SNTG2: variants seen among roughly 807,000 people sequenced by gnomAD.
SNTG2 encodes syntrophin gamma 2, also known as gamma-2-syntrophin.
Under a neutral mutation model 70.9 loss-of-function variants are expected in SNTG2, and 74 were observed. The ratio of observed to expected loss-of-function variants is 1.04; its 90% CI spans 0.86 to 1.27. The LOEUF (loss-of-function observed/expected upper bound fraction) is 1.27. Ranked by LOEUF, SNTG2 falls within the 50% of genes most tolerant of loss-of-function variation. The pLI, the probability that SNTG2 is intolerant of heterozygous loss-of-function variation, is 0.00. For synonymous variants in SNTG2, 278 were observed against 273.8 expected (o/e 1.02, Z -0.15); for missense variants, 717 against 690.7 (o/e 1.04, Z -0.43).
At chr2:1,079,981 T>C (rs921905945) in intron 1 of SNTG2, among the ~76,000 whole-genome samples, 1 of 152,256 alleles carries the variant, frequency 6.6e-6, no homozygotes, top group Non-Finnish European at 1.5e-5. Flanking sequence ...CTGTGGACGC[T>C]GCTCACCACG....
At chr2:1,230,679 T>TA (rs1676157830) in intron 9 of SNTG2, among the ~76,000 whole-genome samples, 1 of 152,190 alleles carries the variant, frequency 6.6e-6, no homozygotes, top group Admixed American at 6.5e-5. Context: ...ACCTTACGGA[T>TA]AGCACAGTGC....
intron 6 of SNTG2, among the ~76,000 whole-genome samples, chr2:1,153,376 ATG>A (rs1669648492): frequency 6.6e-6 from 1 of 152,198 alleles, no homozygotes; most frequent in African/African-American, 2.4e-5. Context: ...TTGTTACATG[ATG>A]TTTATTTTAA....
At chr2:1,089,204 T>C (rs1558386011) in intron 2 of SNTG2, among the ~76,000 whole-genome samples, 1 of 152,230 alleles carries the variant, frequency 6.6e-6, no homozygotes, top group Non-Finnish European at 1.5e-5. Flanking sequence ...AAAATTTACC[T>C]TCACCTTAAT....
intron 14 of SNTG2, among the ~76,000 whole-genome samples, chr2:1,273,640 T>C: frequency 6.7e-6 from 1 of 149,582 alleles, no homozygotes; most frequent in South Asian, 2.1e-4. Flanking sequence ...AAATATTATA[T>C]ATATATATAT....
At chr2:1,093,761 C>G (rs950394917) in intron 2 of SNTG2, among the ~76,000 whole-genome samples, 1 of 152,236 alleles carries the variant, frequency 6.6e-6, no homozygotes, top group Non-Finnish European at 1.5e-5. Flanking sequence ...TCTTCCTTCA[C>G]TCCTGTTGAG....
At chr2:1,208,199 T>G (rs1673772769) in intron 8 of SNTG2, among the ~76,000 whole-genome samples, 1 of 151,982 alleles carries the variant, frequency 6.6e-6, no homozygotes, top group Admixed American at 6.5e-5. Context: ...CTTGTGAGTG[T>G]GGGGCTTGCC....
At chr2:996,454 A>C (rs1661683235) in intron 1 of SNTG2, among the ~76,000 whole-genome samples, 2 of 152,134 alleles carry the variant, frequency 1.3e-5, no homozygotes, top group East Asian at 3.9e-4. Flanking sequence ...GGGTTTAGGA[A>C]TAAACATAAA....
At chr2:1,157,251 T>C (rs936650130) in intron 6 of SNTG2, among the ~76,000 whole-genome samples, 1 of 152,190 alleles carries the variant, frequency 6.6e-6, no homozygotes, top group Non-Finnish European at 1.5e-5. Flanking sequence ...TTGGTAAGTT[T>C]GGCAGGAATC....
intron 16 of SNTG2, among the ~76,000 whole-genome samples, chr2:1,317,374 G>A: frequency 9.1e-6 from 1 of 109,444 alleles, no homozygotes; most frequent in East Asian, 2.8e-4. Context: ...CAGCATTGGA[G>A]AAGGTTGGGA....
intron 1 of SNTG2, among the ~76,000 whole-genome samples, chr2:959,296 C>A: frequency 6.6e-6 from 1 of 152,140 alleles, no homozygotes; most frequent in East Asian, 1.9e-4. Context: ...TTCTTTTATG[C>A]AACTCTTCCT....
chr2:1,162,587 C>G (rs970389150), intron 6 of SNTG2, among the ~76,000 whole-genome samples: 1 of 152,138 alleles, frequency 6.6e-6, no homozygotes, highest in African/African-American at 2.4e-5. Context: ...TCTCCCCTCC[C>G]ACACCGCACA....
At chr2:1,033,853 A>G (rs1447577081) in intron 1 of SNTG2, among the ~76,000 whole-genome samples, 2 of 152,218 alleles carry the variant, frequency 1.3e-5, no homozygotes, top group South Asian at 2.1e-4. Flanking sequence ...GCAATAACAC[A>G]TGAGTGTTTC....
At chr2:1,163,516 T>TGGGCATGTGAGGCCTCCCAACAGGAAGG in intron 6 of SNTG2, 1 of 125,146 alleles carries the variant, frequency 8.0e-6, no homozygotes, top group Non-Finnish European at 1.7e-5. Flanking sequence ...CAACAGGAAG[T>TGGGCATGTGAGGCCTCCCAACAGGAAGG]GGCATGTGAG....
chr2:1,177,574 CAA>C (rs1008044560), intron 8 of SNTG2, among the ~76,000 whole-genome samples: 12 of 150,212 alleles, frequency 8.0e-5, no homozygotes, highest in Admixed American at 8.0e-4. Flanking sequence ...TCAACAAAAA[CAA>C]GAGAAGCTAG....
chr2:1,051,973 T>G (rs1662103843), intron 1 of SNTG2, among the ~76,000 whole-genome samples: 1 of 152,266 alleles, frequency 6.6e-6, no homozygotes, highest in Admixed American at 6.5e-5. Context: ...TACCCTTACA[T>G]TTTTTATTGT....
chr2:965,368 A>AG (rs1660516596), intron 1 of SNTG2, among the ~76,000 whole-genome samples: 2 of 103,038 alleles, frequency 1.9e-5, no homozygotes, highest in African/African-American at 5.4e-5. Context: ...CTGGTCCCCA[A>AG]TCCTCCTCCT....
intron 16 of SNTG2, among the ~76,000 whole-genome samples, chr2:1,352,350 G>C (rs998866814): frequency 6.6e-6 from 1 of 151,902 alleles, no homozygotes. Flanking sequence ...AGCTCCTTTG[G>C]ACTAGGATGC....
At chr2:1,117,091 G>T (rs1223653406) in intron 4 of SNTG2, among the ~76,000 whole-genome samples, 1 of 151,014 alleles carries the variant, frequency 6.6e-6, no homozygotes, top group Non-Finnish European at 1.5e-5. Flanking sequence ...GTGCCCCGGT[G>T]TACAGGTGCC....
intron 1 of SNTG2, among the ~76,000 whole-genome samples, chr2:1,065,785 G>T (rs1169981865): frequency 6.6e-6 from 1 of 152,180 alleles, no homozygotes; most frequent in Admixed American, 6.5e-5. Context: ...AAAGAGTCTT[G>T]TGTTGTAGGA....
Sources: gnomAD v4.1 joint callset for allele counts (sites outside exome capture counted in the v4.1 genomes callset) on GRCh38, gnomAD v4.1.1 for gene constraint, MANE v1.5 for transcripts, NCBI Gene and HGNC (gene_info 2026-07-23, HGNC 2026-07-21) for gene names.